Variants in FNBP1 observed in about 807,000 individuals in gnomAD.
FNBP1 encodes the protein formin-binding protein 1.
Under a neutral mutation model 90.6 loss-of-function variants are expected in FNBP1, and 26 were observed. The ratio of observed to expected loss-of-function variants is 0.29; its 90% CI spans 0.21 to 0.40. The LOEUF (loss-of-function observed/expected upper bound fraction) is 0.40, where lower values mean the gene tolerates loss of function less well. Ranked by LOEUF, FNBP1 falls within the 10% of genes least tolerant of loss-of-function variation. The pLI, the probability that FNBP1 is intolerant of heterozygous loss-of-function variation, is 1.00. For synonymous variants in FNBP1, 260 were observed against 265.2 expected, an observed-to-expected ratio of 0.98 and a Z score of 0.19; for missense variants, 635 against 768.0, an observed-to-expected ratio of 0.83 and a Z score of 2.05.
intron 16 of FNBP1, among the ~76,000 whole-genome samples, chr9:129,891,658 GAA>G (rs2035119469): frequency 6.6e-6 from 1 of 152,110 alleles, no homozygotes; most frequent in African/African-American, 2.4e-5. Context: ...CAAGGAGAGA[GAA>G]AAGAAACAAA....
intron 15 of FNBP1, 92 bp downstream of exon 15, chr9:129,899,873 A>AGAAG (rs200426916): frequency 8.3e-5 from 97 of 1,166,172 alleles, no homozygotes; most frequent in Non-Finnish European, 7.4e-5. Context: ...AAAAATGATC[A>AGAAG]GAAGGAAGGA....
At chr9:129,990,458 C>T (rs906649310) in intron 2 of FNBP1, among the ~76,000 whole-genome samples, 3 of 151,934 alleles carry the variant, frequency 2.0e-5, no homozygotes, top group East Asian at 1.9e-4. Flanking sequence ...CAATAGCTCT[C>T]GGGTGAGGGG....
chr9:129,911,930 C>CAA (rs71497502), intron 11 of FNBP1, among the ~76,000 whole-genome samples: 3,387 of 127,542 alleles, frequency 0.027, 64 homozygotes, highest in Non-Finnish European at 0.036. Flanking sequence ...GATTCTGTCT[C>CAA]AAAAAAAAAA....
chr9:129,979,479 A>G, intron 2 of FNBP1, 105 bp from the exon 3 acceptor site: 1 of 783,564 alleles, frequency 1.3e-6, no homozygotes, highest in South Asian at 1.7e-5. Context: ...AAACAAACAA[A>G]AAAAGTCCAC....
intron 13 of FNBP1, among the ~76,000 whole-genome samples, chr9:129,901,225 G>A (rs1338023020): frequency 1.3e-5 from 2 of 152,088 alleles, no homozygotes; most frequent in African/African-American, 4.8e-5. Context: ...GGCCAACATG[G>A]TGAAACGCTG....
At chr9:130,024,680 A>G (rs1161034388) in intron 1 of FNBP1, among the ~76,000 whole-genome samples, 2 of 152,162 alleles carry the variant, frequency 1.3e-5, no homozygotes, top group East Asian at 3.9e-4. Context: ...GGCATTTCAT[A>G]ATCCAAGGAA....
At chr9:129,904,932 T>C (rs1356329426) in intron 12 of FNBP1, among the ~76,000 whole-genome samples, 1 of 152,192 alleles carries the variant, frequency 6.6e-6, no homozygotes, top group Non-Finnish European at 1.5e-5. Flanking sequence ...TAAATAAACA[T>C]TTAAAAATCA....
At chr9:129,947,563 C>T (rs78377535) in intron 6 of FNBP1, among the ~76,000 whole-genome samples, 12,431 of 151,852 alleles carry the variant, frequency 0.082, 561 homozygotes, top group South Asian at 0.09. Context: ...CAGTGAACAA[C>T]GGGCAAGGGA....
chr9:129,951,005 T>C, intron 6 of FNBP1, among the ~76,000 whole-genome samples: 1 of 145,586 alleles, frequency 6.9e-6, no homozygotes, highest in East Asian at 2.1e-4. Flanking sequence ...TGAGTCTCCC[T>C]CTGTCACCCA....
chr9:130,030,868 G>A (rs1377511949), intron 1 of FNBP1, among the ~76,000 whole-genome samples: 1 of 152,134 alleles, frequency 6.6e-6, no homozygotes, highest in Non-Finnish European at 1.5e-5. Flanking sequence ...TAAAAGAGCT[G>A]GGGAACAAAC....
At chr9:130,037,064 GGA>G (rs1260925502) in intron 1 of FNBP1, among the ~76,000 whole-genome samples, 1 of 135,516 alleles carries the variant, frequency 7.4e-6, no homozygotes, top group East Asian at 2.3e-4. Context: ...AAAAGAAAAA[GGA>G]GCAGTAGAGG....
chr9:130,049,669 C>T, the FNBP1 span, among the ~76,000 whole-genome samples: 2 of 151,510 alleles, frequency 1.3e-5, no homozygotes, highest in African/African-American at 4.9e-5. Flanking sequence ...CCACCGCACT[C>T]CAGCCCGGGA....
rs373385248 is a variant in FNBP1 at position 129,934,346 on chromosome 9, C to T, written c.514-4651G>A. ...GAGAGTTGGCTTGTTTTACTTGCAA[C>T]GAGTCAGTGTCACAGAATTTCAAGA... On this transcript the variant is annotated intron_variant, in intron 6 of 16. Coordinates refer to ENST00000446176, the MANE Select transcript of FNBP1 (RefSeq NM_015033.3). Among the ~76,000 whole-genome samples the T allele has an allele frequency of 2.0e-4, 30 of 152,244 alleles. No individual in the cohort carries two copies. In the South Asian group the frequency reaches 4.6e-3, roughly 23 times the overall value.
At chr9:129,954,804 C>T (rs1313872283) in intron 6 of FNBP1, among the ~76,000 whole-genome samples, 1 of 152,040 alleles carries the variant, frequency 6.6e-6, no homozygotes, top group Non-Finnish European at 1.5e-5. Flanking sequence ...TGAGACCAGC[C>T]TGGCCAACGT....
At chr9:130,048,438 A>G in the FNBP1 span, among the ~76,000 whole-genome samples, 1 of 149,342 alleles carries the variant, frequency 6.7e-6, no homozygotes, top group African/African-American at 2.4e-5. Flanking sequence ...TTCTGTCCAG[A>G]CAGCTATAGA....
intron 6 of FNBP1, among the ~76,000 whole-genome samples, chr9:129,940,106 TGGGAGGATCACTTGAGCCC>T (rs2044103157): frequency 6.6e-6 from 1 of 151,940 alleles, no homozygotes; most frequent in Non-Finnish European, 1.5e-5. Flanking sequence ...GAGGTTGAGG[TGGGAGGATCACTTGAGCCC>T]GGGAGTTCGA....
chr9:129,895,231 T>C, intron 16 of FNBP1: 6 of 1,043,294 alleles, frequency 5.8e-6, no homozygotes, highest in Non-Finnish European at 7.0e-6. Flanking sequence ...CTACCAAGGA[T>C]GCTGACCAGG....
intron 2 of FNBP1, among the ~76,000 whole-genome samples, chr9:129,987,906 T>C (rs2052547019): frequency 6.6e-6 from 1 of 152,124 alleles, no homozygotes; most frequent in African/African-American, 2.4e-5. Context: ...ATATACGATA[T>C]GCAATTTGTT....
rs1275008307 is a variant in FNBP1 at position 129,905,142 on chromosome 9, C to T, written c.1296-2141G>A. Among the ~76,000 whole-genome samples the T allele has an allele frequency of 4.6e-5, 7 of 151,924 alleles. No homozygotes were observed. The East Asian group carries it at 9.7e-4, about 21-fold the overall frequency. On this transcript the variant is annotated intron_variant, in intron 12 of 16. Transcript: ENST00000446176. ...CTCCCACTACCTCCCTATTTCTCAG[C>T]AAAAGCCCTCAACAGAGTTGTCTAT...
Sources: allele counts gnomAD v4.1 joint callset (sites outside exome capture counted in the v4.1 genomes callset), GRCh38; gene constraint gnomAD v4.1.1; transcripts MANE v1.5; gene names NCBI Gene and HGNC (gene_info 2026-07-23, HGNC 2026-07-21).